Variants in LRP1B observed in about 807,000 individuals in gnomAD.
The protein encoded by LRP1B is low-density lipoprotein receptor-related protein 1B.
Under a neutral mutation model 556.6 loss-of-function variants are expected in LRP1B, and 217 were observed. That is an observed-to-expected ratio of 0.39 (90% CI 0.35 to 0.44). LRP1B has a LOEUF of 0.44. LRP1B is among the 20% of genes least tolerant of loss of function. The pLI is 1.00. For missense variants in LRP1B, 5,053 were observed against 5,620.8 expected, an observed-to-expected ratio of 0.90 and a Z score of 3.23; for synonymous variants, 2,047 against 1,865.8, an observed-to-expected ratio of 1.10 and a Z score of -2.50.
intron 2 of LRP1B, among the ~76,000 whole-genome samples, chr2:141,778,521 G>C (rs1335471896): frequency 7.2e-5 from 11 of 152,136 alleles, no homozygotes; most frequent in Non-Finnish European, 1.5e-4. Context: ...TGCTTCACAG[G>C]CAAAGTGGAA....
chr2:142,064,481 G>A (rs1303596192), intron 1 of LRP1B, among the ~76,000 whole-genome samples: 1 of 151,534 alleles, frequency 6.6e-6, no homozygotes, highest in African/African-American at 2.4e-5. Flanking sequence ...GCATAACAGT[G>A]AATCTATGTT....
At position 140,345,843 on chromosome 2, in the gene LRP1B, T is replaced by TAC. The variant is rs201538692; in HGVS notation, c.11892+4952_11892+4953dup. Among the ~76,000 whole-genome samples, 119 of 133,174 alleles carry TAC rather than the reference T, an allele frequency of 8.9e-4. 1 individual carries two copies. The highest frequency in any genetic ancestry group is 2.4e-3 in the African/African-American group (87 of 35,528). The allele number at this position is 133,174 out of a possible 152,430, so 87.4% of individuals were successfully genotyped here. On this transcript the variant is annotated intron_variant, in intron 77 of 90. Transcript: ENST00000389484. The stretch of plus-strand genomic sequence containing the variant: ...ACATATATACATATATATATACACA[T>TAC]ACACACACACACACACACATATATA...
At chr2:140,523,787 G>A (rs1053553024) in intron 49 of LRP1B, among the ~76,000 whole-genome samples, 1 of 151,782 alleles carries the variant, frequency 6.6e-6, no homozygotes, top group Non-Finnish European at 1.5e-5. Flanking sequence ...GAACGAAACT[G>A]GACTCCTACC....
At chr2:141,186,917 G>GA (rs529128900) in intron 7 of LRP1B, among the ~76,000 whole-genome samples, 423 of 152,004 alleles carry the variant, frequency 2.8e-3, no homozygotes, top group Non-Finnish European at 4.7e-3. Context: ...AAGAGCAGTA[G>GA]AAAAAGGGGA....
intron 1 of LRP1B, among the ~76,000 whole-genome samples, chr2:142,050,749 A>G (rs771711691): frequency 6.6e-6 from 1 of 152,140 alleles, no homozygotes; most frequent in African/African-American, 2.4e-5. Flanking sequence ...TATATTGAGG[A>G]TACTACCACA....
chr2:140,726,386 A>G (rs998522818), intron 35 of LRP1B, among the ~76,000 whole-genome samples: 1 of 152,188 alleles, frequency 6.6e-6, no homozygotes, highest in Non-Finnish European at 1.5e-5. Context: ...TAGGCACCAG[A>G]TCTCTTAGAA....
At chr2:140,854,991 C>A (rs564492618) in intron 27 of LRP1B, among the ~76,000 whole-genome samples, 1 of 152,242 alleles carries the variant, frequency 6.6e-6, no homozygotes, top group South Asian at 2.1e-4. Context: ...GCTGGGCAGA[C>A]TGGGTTCACT....
intron 1 of LRP1B, among the ~76,000 whole-genome samples, chr2:142,002,538 G>A (rs957006833): frequency 1.3e-5 from 2 of 150,368 alleles, no homozygotes; most frequent in Non-Finnish European, 3.0e-5. Context: ...ATCTAGTATG[G>A]GAGATTTATA....
intron 11 of LRP1B, among the ~76,000 whole-genome samples, chr2:141,026,956 T>C (rs894868094): frequency 1.3e-5 from 2 of 152,146 alleles, no homozygotes; most frequent in African/African-American, 4.8e-5. Context: ...TAGTAGTCAC[T>C]ATAGCAAGTC....
At chr2:140,989,772 T>C (rs1697034823) in intron 16 of LRP1B, 115 bp from the exon 17 acceptor site, 2 of 962,058 alleles carry the variant, frequency 2.1e-6, no homozygotes, top group African/African-American at 1.7e-5. Context: ...ATAAATGTCA[T>C]AGAGTCTGTC....
chr2:140,736,957 A>G (rs894412835), intron 35 of LRP1B, among the ~76,000 whole-genome samples: 13 of 152,176 alleles, frequency 8.5e-5, no homozygotes, highest in Non-Finnish European at 1.6e-4. Flanking sequence ...CTTGACCTGA[A>G]GGAATTGTAG....
intron 1 of LRP1B, among the ~76,000 whole-genome samples, chr2:142,130,298 A>T (rs1463944123): frequency 1.3e-5 from 2 of 152,230 alleles, no homozygotes; most frequent in African/African-American, 4.8e-5. Context: ...GTTGAGGGCC[A>T]TCGCGGAGGG....
At chr2:141,235,968 G>C (rs928511631) in intron 5 of LRP1B, among the ~76,000 whole-genome samples, 2 of 152,036 alleles carry the variant, frequency 1.3e-5, no homozygotes, top group African/African-American at 2.4e-5. Flanking sequence ...GGCTGCAATG[G>C]GAAGCCAGTG....
chr2:141,928,296 G>A (rs1425689588), intron 1 of LRP1B, among the ~76,000 whole-genome samples: 1 of 152,110 alleles, frequency 6.6e-6, no homozygotes, highest in East Asian at 1.9e-4. Context: ...TTAATAGAGA[G>A]GTTTTTATTT....
At chr2:140,964,357 C>A (rs551312226) in intron 18 of LRP1B, among the ~76,000 whole-genome samples, 2 of 152,236 alleles carry the variant, frequency 1.3e-5, no homozygotes, top group Non-Finnish European at 1.5e-5. Context: ...GATGTCAGGC[C>A]CTCCACAAGA....
intron 3 of LRP1B, among the ~76,000 whole-genome samples, chr2:141,290,756 A>G (rs1188681487): frequency 6.6e-6 from 1 of 152,180 alleles, no homozygotes; most frequent in Non-Finnish European, 1.5e-5. Flanking sequence ...GGAGATTTGT[A>G]ATTTTTATTT....
At chr2:141,909,613 A>T (rs1389550309) in intron 1 of LRP1B, among the ~76,000 whole-genome samples, 1 of 140,318 alleles carries the variant, frequency 7.1e-6, no homozygotes, top group Non-Finnish European at 1.5e-5. Context: ...CCTGGGGCAG[A>T]TGGCAGTAAT....
chr2:142,004,614 G>C (rs1010868457), intron 1 of LRP1B, among the ~76,000 whole-genome samples: 1 of 152,054 alleles, frequency 6.6e-6, no homozygotes, highest in East Asian at 1.9e-4. Flanking sequence ...GGGAGGCTGA[G>C]GGGGGTGGAT....
chr2:140,401,200 G>A lies in LRP1B; in HGVS notation c.10415-15191C>T, dbSNP rs772631768. Among the ~76,000 whole-genome samples, 20 of 152,282 alleles carry A rather than the reference G, an allele frequency of 1.3e-4. 1 individual carries two copies. The highest frequency in any genetic ancestry group is 2.2e-4 in the Non-Finnish European group (15 of 68,026). On this transcript the variant is annotated intron_variant, in intron 66 of 90. Coordinates refer to ENST00000389484, the MANE Select transcript of LRP1B (RefSeq NM_018557.3). ...GCAGGAGCTGGGTGCCTGGCCTTGT[G>A]AGGCAGATGGGGAGTGACATGGTCT...
Sources: allele counts gnomAD v4.1 joint callset (sites outside exome capture counted in the v4.1 genomes callset), GRCh38; gene constraint gnomAD v4.1.1; transcripts MANE v1.5; gene names NCBI Gene and HGNC (gene_info 2026-07-23, HGNC 2026-07-21).